CNTNAP2: variants seen among roughly 807,000 people sequenced by gnomAD.
CNTNAP2 encodes contactin-associated protein-like 2.
CNTNAP2 carries 98 observed loss-of-function variants against 155.2 expected under a neutral mutation model. That is an observed-to-expected ratio of 0.63 (90% CI 0.54 to 0.75). The LOEUF (loss-of-function observed/expected upper bound fraction) is 0.75, where lower values mean the gene tolerates loss of function less well. Among genes scored for constraint, CNTNAP2 ranks in the 30% least tolerant of loss-of-function variants. CNTNAP2 has a pLI of 0.00. For missense variants in CNTNAP2, 1,727 were observed against 1,688.1 expected (o/e 1.02, Z -0.40); for synonymous variants, 651 against 631.2 (o/e 1.03, Z -0.47).
chr7:146,791,119 T>C lies in CNTNAP2; in HGVS notation c.208+16738T>C, dbSNP rs1802666815. Among the ~76,000 whole-genome samples, 4 of 151,560 alleles carry C rather than the reference T, an allele frequency of 2.6e-5. No individual in the cohort carries two copies. The South Asian group carries it at 8.4e-4, about 32-fold the overall frequency. On this transcript the variant is annotated intron_variant, in intron 2 of 23. Coordinates refer to ENST00000361727, the MANE Select transcript of CNTNAP2 (RefSeq NM_014141.6). ...AGTGTGTGATGTCCCCCTCCCTGTG[T>C]CCGATGTTCCCCTCCCTGTGTCCAT...
intron 15 of CNTNAP2, among the ~76,000 whole-genome samples, chr7:147,993,880 C>A (rs1268172111): frequency 6.6e-6 from 1 of 152,068 alleles, no homozygotes; most frequent in African/African-American, 2.4e-5. Flanking sequence ...CTACCTGTTT[C>A]CTTCCCCCTT....
intron 2 of CNTNAP2, among the ~76,000 whole-genome samples, chr7:146,792,361 T>C (rs1163242833): frequency 6.6e-6 from 1 of 152,190 alleles, no homozygotes; most frequent in East Asian, 1.9e-4. Flanking sequence ...TTTGGCTTTG[T>C]CTTGTCAAAG....
intron 21 of CNTNAP2, among the ~76,000 whole-genome samples, chr7:148,357,844 G>C (rs1374735175): frequency 1.1e-4 from 16 of 152,186 alleles, no homozygotes; most frequent in Non-Finnish European, 1.9e-4. Context: ...TAGTTAGCAT[G>C]TGTATGTTTG....
chr7:147,018,307 T>C (rs760426278), intron 3 of CNTNAP2, among the ~76,000 whole-genome samples: 1 of 152,044 alleles, frequency 6.6e-6, no homozygotes, highest in African/African-American at 2.4e-5. Flanking sequence ...AACTGAAACA[T>C]AGTGAAGAAG....
At chr7:146,530,028 G>C (rs1797746224) in intron 1 of CNTNAP2, among the ~76,000 whole-genome samples, 1 of 151,950 alleles carries the variant, frequency 6.6e-6, no homozygotes, top group Admixed American at 6.6e-5. Context: ...TCTGCAAAAG[G>C]GGAAATTCCT....
chr7:146,650,213 A>G (rs1172304764), intron 1 of CNTNAP2, among the ~76,000 whole-genome samples: 3 of 152,200 alleles, frequency 2.0e-5, no homozygotes, highest in Non-Finnish European at 4.4e-5. Flanking sequence ...CCAAAGGATT[A>G]TAAATCATTC....
chr7:146,318,634 G>A (rs1307967087), intron 1 of CNTNAP2, among the ~76,000 whole-genome samples: 1 of 152,028 alleles, frequency 6.6e-6, no homozygotes, highest in African/African-American at 2.4e-5. Context: ...GCAGGTATAT[G>A]TAAAAGAAAC....
chr7:148,040,597 T>G (rs1802654052), intron 15 of CNTNAP2, among the ~76,000 whole-genome samples: 1 of 152,214 alleles, frequency 6.6e-6, no homozygotes, highest in Non-Finnish European at 1.5e-5. Context: ...CCCGCCTTTT[T>G]CCTAAAATAG....
chr7:148,261,085 G>A (rs1346228833), intron 20 of CNTNAP2, among the ~76,000 whole-genome samples: 1 of 152,192 alleles, frequency 6.6e-6, no homozygotes, highest in African/African-American at 2.4e-5. Context: ...GTAGAGAGAA[G>A]CCATCTTCCA....
chr7:146,834,403 C>T (rs1047350532), intron 2 of CNTNAP2, among the ~76,000 whole-genome samples: 2 of 151,994 alleles, frequency 1.3e-5, no homozygotes, highest in African/African-American at 4.8e-5. Flanking sequence ...TTACAGCATA[C>T]GTGTGCTCAC....
intron 8 of CNTNAP2, among the ~76,000 whole-genome samples, chr7:147,191,634 A>G (rs1403436410): frequency 1.3e-5 from 2 of 152,220 alleles, no homozygotes; most frequent in Non-Finnish European, 2.9e-5. Flanking sequence ...ATTTATATAT[A>G]GGACAGTGAA....
intron 1 of CNTNAP2, among the ~76,000 whole-genome samples, chr7:146,643,300 G>A (rs552208849): frequency 6.6e-5 from 10 of 151,886 alleles, no homozygotes; most frequent in East Asian, 1.9e-4. Flanking sequence ...TAGGTCTAAC[G>A]TTTAAGTCTT....
intron 13 of CNTNAP2, among the ~76,000 whole-genome samples, chr7:147,714,773 C>T (rs965204676): frequency 6.6e-6 from 1 of 151,604 alleles, no homozygotes; most frequent in African/African-American, 2.4e-5. Context: ...AACCACTAAT[C>T]AAGATATTTA....
chr7:146,747,426 T>C (rs1801828107), intron 1 of CNTNAP2, among the ~76,000 whole-genome samples: 1 of 152,308 alleles, frequency 6.6e-6, no homozygotes, highest in African/African-American at 2.4e-5. Context: ...TTGAAATAAG[T>C]TGATTTTGTT....
intron 14 of CNTNAP2, among the ~76,000 whole-genome samples, chr7:147,964,542 A>G (rs886662034): frequency 3.3e-5 from 5 of 152,204 alleles, no homozygotes; most frequent in African/African-American, 1.2e-4. Context: ...ATAAATTCAC[A>G]TTAACAAATA....
At chr7:146,822,819 G>A (rs896816907) in intron 2 of CNTNAP2, among the ~76,000 whole-genome samples, 1 of 146,790 alleles carries the variant, frequency 6.8e-6, no homozygotes, top group East Asian at 2.0e-4. Flanking sequence ...TCATTCTTCA[G>A]CATATTTAAA....
At chr7:146,758,500 T>C (rs1802030701) in intron 1 of CNTNAP2, among the ~76,000 whole-genome samples, 1 of 152,076 alleles carries the variant, frequency 6.6e-6, no homozygotes, top group Admixed American at 6.6e-5. Flanking sequence ...GACTGGGCAA[T>C]TTACAGAAGT....
intron 10 of CNTNAP2, among the ~76,000 whole-genome samples, chr7:147,428,451 A>G (rs1797416192): frequency 6.6e-6 from 1 of 152,146 alleles, no homozygotes; most frequent in South Asian, 2.1e-4. Flanking sequence ...TAATGATTAA[A>G]ATTGGCAATA....
rs1427020499 is a variant in CNTNAP2, at chr7:147,695,502, A to G, written c.2098+56196A>G. The stretch of plus-strand genomic sequence containing the variant: ...GGGCAGTTCTATCAATTTTTGCTTT[A>G]AGTATTTTTACATTCTGGCCGGCAC... On this transcript the variant is annotated intron_variant, in intron 13 of 23. Transcript: ENST00000361727. 3.9e-5 allele frequency among the ~76,000 whole-genome samples: 6 copies of G among 152,154 alleles called. 1 individual carries two copies. The highest frequency in any genetic ancestry group is 8.8e-5 in the Non-Finnish European group (6 of 68,036).
Sources: allele counts gnomAD v4.1 joint callset (sites outside exome capture counted in the v4.1 genomes callset), GRCh38; gene constraint gnomAD v4.1.1; transcripts MANE v1.5; gene names NCBI Gene and HGNC (gene_info 2026-07-23, HGNC 2026-07-21).